AK8: variants seen among roughly 807,000 people sequenced by gnomAD.
The protein encoded by AK8 is adenylate kinase 8.
AK8 carries 44 observed loss-of-function variants against 54.6 expected under a neutral mutation model. That is an observed-to-expected ratio of 0.81 (90% CI 0.63 to 1.04). The LOEUF (loss-of-function observed/expected upper bound fraction) is 1.04, where lower values mean the gene tolerates loss of function less well. Ranked by LOEUF, AK8 falls within the 50% of genes least tolerant of loss-of-function variation. The pLI, the probability that AK8 is intolerant of heterozygous loss-of-function variation, is 0.00. For missense variants in AK8, 555 were observed against 613.6 expected, an observed-to-expected ratio of 0.90 and a Z score of 1.01; for synonymous variants, 239 against 245.6, an observed-to-expected ratio of 0.97 and a Z score of 0.25.
At chr9:132,852,595 G>C (rs1401559347) in intron 5 of AK8, among the ~76,000 whole-genome samples, 1 of 144,612 alleles carries the variant, frequency 6.9e-6, no homozygotes. Flanking sequence ...GGGTGACAGA[G>C]CAAGACTCCA....
chr9:132,828,866 T>C (rs1841990357), intron 5 of AK8, 140 bp from the exon 6 acceptor site: 2 of 530,030 alleles, frequency 3.8e-6, no homozygotes, highest in South Asian at 8.6e-5. Flanking sequence ...TACCTCACCC[T>C]TCTTTAAAAA....
At chr9:132,794,950 C>G (rs1435508711) in intron 10 of AK8, among the ~76,000 whole-genome samples, 2 of 152,250 alleles carry the variant, frequency 1.3e-5, no homozygotes, top group Non-Finnish European at 2.9e-5. Context: ...TTCTGGCACA[C>G]AGCCGACACT....
chr9:132,848,815 C>T (rs1473090119), intron 5 of AK8, among the ~76,000 whole-genome samples: 1 of 151,902 alleles, frequency 6.6e-6, no homozygotes, highest in Non-Finnish European at 1.5e-5. Flanking sequence ...AGAATCAAGT[C>T]GCCGAGCTTG....
chr9:132,745,211 C>T (rs1282528185), intron 11 of AK8, among the ~76,000 whole-genome samples: 3 of 152,116 alleles, frequency 2.0e-5, no homozygotes, highest in African/African-American at 4.8e-5. Flanking sequence ...AATTATAATG[C>T]GGGGCGGCTG....
chr9:132,740,114 G>T (rs1376915633), intron 11 of AK8, among the ~76,000 whole-genome samples: 3 of 152,232 alleles, frequency 2.0e-5, no homozygotes, highest in Non-Finnish European at 4.4e-5. Flanking sequence ...AGCTGGTGCA[G>T]CCCAGTTCTA....
chr9:132,824,059 A>G (rs1032310916), intron 8 of AK8, among the ~76,000 whole-genome samples: 8 of 152,168 alleles, frequency 5.3e-5, no homozygotes, highest in African/African-American at 1.7e-4. Context: ...GTCTCCAACA[A>G]TGAGGCCACC....
chr9:132,743,970 G>A (rs888835194), intron 11 of AK8, among the ~76,000 whole-genome samples: 6 of 152,202 alleles, frequency 3.9e-5, no homozygotes, highest in Non-Finnish European at 5.9e-5. Context: ...GAGCCTTCCT[G>A]AAATCTCCAG....
chr9:132,834,870 T>A (rs112921026), intron 5 of AK8, among the ~76,000 whole-genome samples: 2,334 of 38,362 alleles, frequency 0.061, 70 homozygotes, highest in African/African-American at 0.12. Flanking sequence ...AAGAGGTGCC[T>A]TTTTTTTTTT....
At chr9:132,805,203 T>C (rs1007020514) in intron 10 of AK8, among the ~76,000 whole-genome samples, 5 of 152,190 alleles carry the variant, frequency 3.3e-5, no homozygotes, top group African/African-American at 9.6e-5. Context: ...AGGGAAACGC[T>C]TCTAGAAGCT....
intron 11 of AK8, among the ~76,000 whole-genome samples, chr9:132,745,668 G>A (rs923807941): frequency 1.3e-5 from 2 of 152,150 alleles, no homozygotes; most frequent in Admixed American, 1.3e-4. Flanking sequence ...GGGTAGTGGA[G>A]GGGAGGTCCA....
intron 4 of AK8, 124 bp from the exon 5 acceptor site, chr9:132,855,049 C>T (rs927987624): frequency 1.3e-5 from 12 of 911,208 alleles, no homozygotes; most frequent in Admixed American, 4.0e-5. Context: ...CATCGGGCCC[C>T]GCCCTTCCTC....
chr9:132,725,812 T>C lies in AK8; in HGVS notation c.1316A>G (p.Asn439Ser). 6.2e-7 allele frequency: 1 copy of C among 1,607,152 alleles called. No individual in the cohort carries two copies. Among genetic ancestry groups the C allele is most frequent in the Non-Finnish European group, 8.5e-7 (1 of 1,177,088 alleles). Residue 439 changes from asparagine to serine, a missense_variant, in exon 13 of 13, where the codon AAC (asparagine) becomes AGC (serine). Transcript: ENST00000298545. ...ATACAACTGCTCCAAGTCAGCTGAGTTCCTGTAGAACAGGTCCATTTTCAG... is the reference window on the plus strand; with the variant it reads ...ATACAACTGCTCCAAGTCAGCTGAGCTCCTGTAGAACAGGTCCATTTTCAG... ...VKLKMDLFYR[N>S]SADLEQLYGS...
chr9:132,869,512 G>A lies in AK8; in HGVS notation c.170-2559C>T, dbSNP rs562560050. On this transcript the variant is annotated intron_variant, in intron 2 of 12. Coordinates refer to ENST00000298545, the MANE Select transcript of AK8 (RefSeq NM_152572.3). ...CTCCGACTCTGGACTCGCCTGGCAG[G>A]GGAAGCGCTGGTGGTGGGCCCAGCC... Among the ~76,000 whole-genome samples the A allele has an allele frequency of 6.6e-4, 100 of 152,338 alleles. 1 individual carries two copies. The highest frequency in any genetic ancestry group is 3.4e-3 in the Middle Eastern group (1 of 294).
At position 132,790,231 on chromosome 9, in the gene AK8, A is replaced by G. The variant is rs1436250982; in HGVS notation, c.1121+2403T>C. On this transcript the variant is annotated intron_variant, in intron 11 of 12. Transcript: ENST00000298545. This position sits in a 1 kb window ranked among gnomAD's most constrained non-coding sequence, Gnocchi z 4.1. Reference sequence around the variant, plus strand: ...AGCTCTTGATAAACATTAACTAGAGATTTTAAATCACGGAGCTATACTTCT... The same window carrying G: ...AGCTCTTGATAAACATTAACTAGAGGTTTTAAATCACGGAGCTATACTTCT... 6.6e-6 allele frequency among the ~76,000 whole-genome samples: 1 copy of G among 152,066 alleles called. No homozygotes were observed. Among genetic ancestry groups the G allele is most frequent in the African/African-American group, 2.4e-5 (1 of 41,390 alleles).
At chr9:132,825,596 C>T (rs1265110749) in intron 8 of AK8, among the ~76,000 whole-genome samples, 2 of 152,120 alleles carry the variant, frequency 1.3e-5, no homozygotes, top group Admixed American at 6.5e-5. Context: ...TTTCTACTAA[C>T]CCACCCGCTG....
intron 11 of AK8, among the ~76,000 whole-genome samples, chr9:132,733,347 C>G (rs537583751): frequency 1.4e-3 from 207 of 152,310 alleles, no homozygotes; most frequent in African/African-American, 4.4e-3. Context: ...CAAGGCCCAA[C>G]GGCAACACCA....
chr9:132,875,385 C>T (rs1207146777), intron 1 of AK8, 186 bp from the exon 2 acceptor site: 7 of 902,684 alleles, frequency 7.8e-6, no homozygotes, highest in East Asian at 1.2e-4. Context: ...AGGGGGGCCA[C>T]GTGGTGCTGC....
chr9:132,750,638 G>C (rs1837873910), intron 11 of AK8, among the ~76,000 whole-genome samples: 1 of 148,884 alleles, frequency 6.7e-6, no homozygotes, highest in African/African-American at 2.6e-5. Context: ...GCAAAGATAA[G>C]GGTTCAGATT....
At chr9:132,772,276 GT>G (rs539538908) in intron 11 of AK8, among the ~76,000 whole-genome samples, 43 of 152,358 alleles carry the variant, frequency 2.8e-4, no homozygotes, top group African/African-American at 9.6e-4. Flanking sequence ...CGCTGCAGAT[GT>G]TGTTAGGGTT....
Sources: gnomAD v4.1 joint callset for allele counts (sites outside exome capture counted in the v4.1 genomes callset) on GRCh38, gnomAD v4.1.1 for gene constraint, Gnocchi (gnomAD v3.1) non-coding constraint, MANE v1.5 for transcripts, NCBI Gene and HGNC (gene_info 2026-07-23, HGNC 2026-07-21) for gene names.